The following IMPG1 variants were observed in gnomAD, a reference collection of about 807,000 sequenced individuals.
IMPG1 encodes interphotoreceptor matrix proteoglycan of 150 kDa.
IMPG1 carries 85 observed loss-of-function variants against 92.0 expected under a neutral mutation model. The observed-to-expected ratio is 0.92, with a 90% CI of 0.78 to 1.11. IMPG1 has a LOEUF of 1.11. IMPG1 is among the 50% of genes least tolerant of loss of function. The probability of loss-of-function intolerance (pLI) is 0.00; values close to 1 mark genes in which losing one functional copy is unlikely to be tolerated. For synonymous variants in IMPG1, 367 were observed against 334.1 expected, an observed-to-expected ratio of 1.10 and a Z score of -1.08; for missense variants, 1,022 against 956.0, an observed-to-expected ratio of 1.07 and a Z score of -0.91.
intron 14 of IMPG1, among the ~76,000 whole-genome samples, chr6:75,932,066 C>A (rs1027497857): frequency 8.5e-5 from 13 of 152,236 alleles, no homozygotes; most frequent in South Asian, 2.1e-4. Context: ...ATTTACTTTT[C>A]AGATTATTCT....
intron 7 of IMPG1, among the ~76,000 whole-genome samples, chr6:76,012,660 G>A (rs1427350028): frequency 6.6e-6 from 1 of 152,180 alleles, no homozygotes; most frequent in African/African-American, 2.4e-5. Flanking sequence ...GAACAGGTGA[G>A]CAGACACCCA....
chr6:76,010,892 T>C (rs1783171824), intron 8 of IMPG1, among the ~76,000 whole-genome samples: 1 of 152,340 alleles, frequency 6.6e-6, no homozygotes, highest in Non-Finnish European at 1.5e-5. Context: ...CATAACCACA[T>C]GACCAAAGAC....
chr6:75,947,476 A>G lies in IMPG1; in HGVS notation c.1882T>C (p.Phe628Leu), dbSNP rs756434628. The change falls in exon 14 of 17, where the codon TTC (phenylalanine) becomes CTC (leucine). Residue 628 changes from phenylalanine to leucine, a missense_variant. By Grantham distance (22) the Phe-to-Leu change is conservative (BLOSUM62 0). Transcript: ENST00000369950. ...TTCACAATCACACTCCCGTTTCTGA[A>G]GTTAAGTATTTCAAGTTGCTTAAAT... Reference protein sequence around the residue: ...TGFKQLEILNFRNGSVIVNSK... With the variant: ...TGFKQLEILNLRNGSVIVNSK... The G allele has an allele frequency of 1.3e-5, 21 of 1,613,730 alleles. No homozygotes were observed. The highest frequency in any genetic ancestry group is 1.7e-5 in the Non-Finnish European group (20 of 1,179,854).
intron 12 of IMPG1, among the ~76,000 whole-genome samples, chr6:75,953,988 A>G (rs1782077482): frequency 2.6e-5 from 4 of 152,230 alleles, no homozygotes; most frequent in Admixed American, 1.3e-4. Context: ...TATATGTGCT[A>G]CATTTTATTT....
chr6:75,979,319 A>G (rs1320111773), intron 12 of IMPG1, among the ~76,000 whole-genome samples: 1 of 152,208 alleles, frequency 6.6e-6, no homozygotes, highest in South Asian at 2.1e-4. Flanking sequence ...GTAGCTTGGC[A>G]AGGTGCTACA....
At chr6:75,979,692 A>T (rs1413660874) in intron 12 of IMPG1, among the ~76,000 whole-genome samples, 1 of 152,232 alleles carries the variant, frequency 6.6e-6, no homozygotes, top group Non-Finnish European at 1.5e-5. Context: ...TTTGCAATGA[A>T]AACACAGACT....
At chr6:76,064,774 T>A (rs1210836474) in intron 1 of IMPG1, among the ~76,000 whole-genome samples, 2 of 152,176 alleles carry the variant, frequency 1.3e-5, no homozygotes, top group African/African-American at 4.8e-5. Context: ...CCTATCAGCT[T>A]CTGCTTCAGC....
chr6:75,955,310 C>T (rs1194089749), intron 12 of IMPG1, among the ~76,000 whole-genome samples: 9 of 152,124 alleles, frequency 5.9e-5, no homozygotes, highest in African/African-American at 1.7e-4. Flanking sequence ...TTATAGTTCA[C>T]CTTGAAGAGG....
In IMPG1 at chr6:75,968,651, G is replaced by A. The variant is rs563215152; in HGVS notation, c.1292-17557C>T. On this transcript the variant is annotated intron_variant, in intron 12 of 16. Coordinates refer to ENST00000369950, the MANE Select transcript of IMPG1 (RefSeq NM_001563.4). ...GGAAAATAACACTAACTTAAAAAAG[G>A]CTTATTATTTAGCCTCTCAACATAT... Among the ~76,000 whole-genome samples, 112 of 151,780 alleles carry A rather than the reference G, an allele frequency of 7.4e-4. 1 individual carries two copies. Among genetic ancestry groups the A allele is most frequent in the African/African-American group, 2.5e-3 (105 of 41,426 alleles).
chr6:76,005,156 T>C, intron 10 of IMPG1, 131 bp downstream of exon 10: 1 of 857,646 alleles, frequency 1.2e-6, no homozygotes, highest in Non-Finnish European at 1.8e-6. Flanking sequence ...AATGATACCA[T>C]ATGTATTCCT....
chr6:75,992,384 G>A (rs1350381680), intron 12 of IMPG1, among the ~76,000 whole-genome samples: 1 of 152,150 alleles, frequency 6.6e-6, no homozygotes, highest in Non-Finnish European at 1.5e-5. Context: ...AAGAAATTTG[G>A]TGTCTTGTGT....
chr6:76,054,346 A>G (rs1231433343), intron 1 of IMPG1, among the ~76,000 whole-genome samples: 1 of 152,142 alleles, frequency 6.6e-6, no homozygotes, highest in Non-Finnish European at 1.5e-5. Context: ...ATAAAAATAT[A>G]GGACCAAGTC....
rs114087361 is a variant in IMPG1, at chr6:75,930,658, T to C, written c.2243+295A>G. Among the ~76,000 whole-genome samples, 1,133 of 152,272 alleles carry C rather than the reference T, an allele frequency of 7.4e-3. 17 individuals are homozygous for C. The highest frequency in any genetic ancestry group is 0.025 in the African/African-American group (1,048 of 41,552). On this transcript the variant is annotated intron_variant, in intron 15 of 16. Transcript: ENST00000369950. ...TGATACAGGTTCTTTCTTCCTTCCC[T>C]ATTGGTCTTAAGGAACCCTTGCCGG...
chr6:76,064,218 G>A (rs1784262308), intron 1 of IMPG1, among the ~76,000 whole-genome samples: 1 of 152,110 alleles, frequency 6.6e-6, no homozygotes, highest in South Asian at 2.1e-4. Context: ...TGCTGGCTAT[G>A]TGCCTACCAG....
At chr6:75,925,832 A>G (rs1781540390) in intron 15 of IMPG1, among the ~76,000 whole-genome samples, 1 of 151,058 alleles carries the variant, frequency 6.6e-6, no homozygotes, top group Admixed American at 6.6e-5. Flanking sequence ...CGCCCAGTTA[A>G]TTTTTGTATT....
chr6:75,959,072 C>G (rs1782173479), intron 12 of IMPG1, among the ~76,000 whole-genome samples: 1 of 152,000 alleles, frequency 6.6e-6, no homozygotes, highest in South Asian at 2.1e-4. Context: ...GTGTGGACGT[C>G]CTTTTTGTTG....
At chr6:76,036,528 T>TAG (rs1783744800) in intron 2 of IMPG1, among the ~76,000 whole-genome samples, 2 of 152,228 alleles carry the variant, frequency 1.3e-5, no homozygotes, top group Non-Finnish European at 2.9e-5. Flanking sequence ...CAGAAGAAAT[T>TAG]TCTTTTTACA....
chr6:75,948,226 A>G lies in IMPG1; in HGVS notation c.1825-693T>C, dbSNP rs145928282. Among the ~76,000 whole-genome samples, 15 of 152,316 alleles carry G rather than the reference A, an allele frequency of 9.8e-5. 1 individual carries two copies. Among genetic ancestry groups the G allele is most frequent in the African/African-American group, 3.6e-4 (15 of 41,566 alleles). ...GCTCCCAGCGAGCCGTTTCCAAACT[A>G]TCATAATCTCAACAGTATGCCCCAT... is the stretch of plus-strand genomic sequence containing the variant. On this transcript the variant is annotated intron_variant, in intron 13 of 16. Transcript: ENST00000369950.
chr6:76,045,810 C>G (rs1783930642), intron 1 of IMPG1, among the ~76,000 whole-genome samples: 1 of 152,102 alleles, frequency 6.6e-6, no homozygotes, highest in African/African-American at 2.4e-5. Flanking sequence ...CTGAACTGAA[C>G]TTTTAAAGAT....
Sources: gnomAD v4.1 joint callset for allele counts (sites outside exome capture counted in the v4.1 genomes callset) on GRCh38, gnomAD v4.1.1 for gene constraint, MANE v1.5 for transcripts, NCBI Gene and HGNC (gene_info 2026-07-23, HGNC 2026-07-21) for gene names.